The following SOX5 variants were observed in gnomAD, a reference collection of about 807,000 sequenced individuals.
SOX5 encodes the protein transcription factor SOX-5.
Under a neutral mutation model 92.0 loss-of-function variants are expected in SOX5, and 9 were observed. The observed-to-expected ratio is 0.10, with a 90% confidence interval of 0.06 to 0.17. The LOEUF is 0.17. SOX5 is among the 10% of genes least tolerant of loss of function. The pLI, the probability that SOX5 is intolerant of heterozygous loss-of-function variation, is 1.00. For synonymous variants in SOX5, 344 were observed against 336.3 expected (o/e 1.02, Z -0.25); for missense variants, 642 against 944.5 (o/e 0.68, Z 4.20).
chr12:24,195,468 C>A (rs942511441), intron 4 of SOX5, among the ~76,000 whole-genome samples: 1 of 152,102 alleles, frequency 6.6e-6, no homozygotes, highest in African/African-American at 2.4e-5. Context: ...AATAATTAGG[C>A]AAAAGTTTTT....
chr12:24,263,551 AACAAAAAC>A (rs1942559911), intron 3 of SOX5, among the ~76,000 whole-genome samples: 6 of 145,614 alleles, frequency 4.1e-5, no homozygotes, highest in African/African-American at 1.6e-4. Context: ...CAAAAAAAAA[AACAAAAAC>A]AAGAAATTAC....
At chr12:23,978,204 G>A (rs956698892) in intron 4 of SOX5, among the ~76,000 whole-genome samples, 1 of 152,010 alleles carries the variant, frequency 6.6e-6, no homozygotes, top group Admixed American at 6.6e-5. Flanking sequence ...ATTGACTCAG[G>A]ATATTTTCAA....
intron 6 of SOX5, among the ~76,000 whole-genome samples, chr12:23,676,409 A>G (rs542290211): frequency 6.6e-6 from 1 of 152,326 alleles, no homozygotes; most frequent in Non-Finnish European, 1.5e-5. Context: ...TACACTTTAT[A>G]CTCAAGAACA....
chr12:23,678,678 T>G (rs2086092344), intron 6 of SOX5, among the ~76,000 whole-genome samples: 1 of 152,118 alleles, frequency 6.6e-6, no homozygotes, highest in African/African-American at 2.4e-5. Context: ...CTATCTTTAC[T>G]CTTTGAAACT....
In SOX5 at chr12:23,529,538, G is replaced by T. The variant is rs906440802; in HGVS notation, c.*4681C>A. On this transcript the variant is annotated 3_prime_UTR_variant, in exon 15 of 15. Transcript: ENST00000451604. ...CATTTGCTGTTTTTATTGGTGCCTT[G>T]CATGGCAGTAATACTGAAAAAGGAG... 2.0e-5 allele frequency: 3 copies of T among 151,970 alleles called. No homozygotes were observed. The highest frequency in any genetic ancestry group is 7.2e-5 in the African/African-American group (3 of 41,386). 9.4% of individuals were successfully genotyped at this position (151,970 alleles called of 1,614,324 possible).
intron 4 of SOX5, among the ~76,000 whole-genome samples, chr12:23,985,140 A>T (rs762169096): frequency 6.6e-6 from 1 of 152,214 alleles, no homozygotes; most frequent in African/African-American, 2.4e-5. Context: ...TTTTTTAGCT[A>T]AACAGAGAAA....
intron 1 of SOX5, among the ~76,000 whole-genome samples, chr12:24,446,764 T>G (rs1271337859): frequency 6.8e-6 from 1 of 146,528 alleles, no homozygotes; most frequent in Non-Finnish European, 1.5e-5. Flanking sequence ...ATAAACATAA[T>G]ATATGTTTTA....
At chr12:24,355,282 C>CAATTTTTTTTTTTTTTTTTTTTTTT in intron 2 of SOX5, among the ~76,000 whole-genome samples, 1 of 71,920 alleles carries the variant, frequency 1.4e-5, no homozygotes, top group African/African-American at 7.4e-5. Flanking sequence ...AGGGGTGCAT[C>CAATTTTTTTTTTTTTTTTTTTTTTT]TTTTTTTTTT....
At chr12:24,093,442 G>A (rs1944913675) in intron 4 of SOX5, among the ~76,000 whole-genome samples, 1 of 151,160 alleles carries the variant, frequency 6.6e-6, no homozygotes, top group Non-Finnish European at 1.5e-5. Context: ...AGAATGGCGT[G>A]AACCCAGGAG....
chr12:23,826,238 T>C (rs538178931), intron 3 of SOX5, among the ~76,000 whole-genome samples: 18 of 145,494 alleles, frequency 1.2e-4, no homozygotes, highest in African/African-American at 1.8e-4. Context: ...TGTGTTCTCA[T>C]TGTTCAGTTC....
chr12:24,311,273 T>C (rs73287610), intron 2 of SOX5, among the ~76,000 whole-genome samples: 4,453 of 152,338 alleles, frequency 0.029, 207 homozygotes, highest in African/African-American at 0.1. Context: ...TGATTATCCA[T>C]GTAATTCATC....
intron 3 of SOX5, among the ~76,000 whole-genome samples, chr12:23,779,710 T>G (rs959909652): frequency 6.7e-6 from 1 of 150,006 alleles, no homozygotes; most frequent in Non-Finnish European, 1.5e-5. Context: ...TGGCAACTTC[T>G]TTTGATCTCA....
intron 2 of SOX5, among the ~76,000 whole-genome samples, chr12:23,874,910 G>A (rs2096911577): frequency 6.6e-6 from 1 of 152,204 alleles, no homozygotes; most frequent in African/African-American, 2.4e-5. Context: ...AGGGGGAAAG[G>A]CAATAGGAAT....
chr12:23,707,368 C>G (rs904551001), intron 6 of SOX5, among the ~76,000 whole-genome samples: 8 of 152,088 alleles, frequency 5.3e-5, no homozygotes. Context: ...TACAGAAATT[C>G]CTATCTGTCG....
intron 4 of SOX5, among the ~76,000 whole-genome samples, chr12:24,170,398 G>A (rs759195948): frequency 6.6e-6 from 1 of 152,144 alleles, no homozygotes; most frequent in Admixed American, 6.5e-5. Flanking sequence ...CCCAGAGTCC[G>A]GTAGGAAGAA....
intron 2 of SOX5, among the ~76,000 whole-genome samples, chr12:23,874,488 A>G (rs572205564): frequency 8.5e-5 from 13 of 152,300 alleles, no homozygotes; most frequent in Admixed American, 7.8e-4. Flanking sequence ...AATTTCCCTA[A>G]AATGAAAGGA....
chr12:23,558,890 A>T (rs1227671831), intron 11 of SOX5, among the ~76,000 whole-genome samples: 1 of 152,166 alleles, frequency 6.6e-6, no homozygotes, highest in Non-Finnish European at 1.5e-5. Flanking sequence ...GGTGTGAGCC[A>T]CCGTGCCCGG....
chr12:24,119,691 A>C (rs1948423485), intron 4 of SOX5, among the ~76,000 whole-genome samples: 2 of 152,112 alleles, frequency 1.3e-5, no homozygotes, highest in Non-Finnish European at 2.9e-5. Context: ...TTAATGTATT[A>C]TTAAAGAATA....
intron 1 of SOX5, among the ~76,000 whole-genome samples, chr12:24,396,836 TG>T (rs1960148158): frequency 6.6e-6 from 1 of 152,236 alleles, no homozygotes; most frequent in African/African-American, 2.4e-5. Context: ...ACTGCAAAAA[TG>T]CAAAATGTGT....
Sources: gnomAD v4.1 joint callset for allele counts (sites outside exome capture counted in the v4.1 genomes callset) on GRCh38, gnomAD v4.1.1 for gene constraint, MANE v1.5 for transcripts, NCBI Gene and HGNC (gene_info 2026-07-23, HGNC 2026-07-21) for gene names.